Variants in AAMDC observed in about 807,000 individuals in gnomAD.
AAMDC encodes the protein adipogenesis associated Mth938 domain containing.
AAMDC carries 16 observed loss-of-function variants against 15.5 expected under a neutral mutation model. That is an observed-to-expected ratio of 1.03 (90% CI 0.70 to 1.57). AAMDC has a LOEUF of 1.57. Ranked by LOEUF, AAMDC falls within the 40% of genes most tolerant of loss-of-function variation. AAMDC has a pLI of 0.00. For synonymous variants in AAMDC, 51 were observed against 51.6 expected (o/e 0.99, Z 0.05); for missense variants, 141 against 144.9 (o/e 0.97, Z 0.14).
intron 1 of AAMDC, among the ~76,000 whole-genome samples, chr11:77,834,441 G>GTTTTTTTTTT (rs11438814): frequency 8.5e-5 from 9 of 105,520 alleles, no homozygotes; most frequent in African/African-American, 1.8e-4. Context: ...AGTTGATTTT[G>GTTTTTTTTTT]TTTTTTTTTT....
downstream of AAMDC, chr11:77,900,902 T>G: frequency 4.6e-6 from 2 of 436,790 alleles, no homozygotes; most frequent in African/African-American, 4.0e-5. Flanking sequence ...AGAAATGCCA[T>G]GAGGTAGATG....
rs575405187 is a variant in AAMDC at position 77,886,759 on chromosome 11, G to A, written c.328+9710G>A. Among the ~76,000 whole-genome samples, 8 of 143,854 alleles carry A rather than the reference G, an allele frequency of 5.6e-5. No individual in the cohort carries two copies. The South Asian group carries it at 1.8e-3, about 32-fold the overall frequency. The allele number at this position is 143,854 out of a possible 152,430, so 94.4% of individuals were successfully genotyped here. A position where few individuals can be genotyped will look rare whatever the true frequency, so the allele number is the denominator to read the frequency against. ...AATAGGTGGGAGGCGCCCGGCGAGG[G>A]GGCGGGGCAGGGTCCGCAGGCCTTG... On this transcript the variant is annotated intron_variant, in intron 5 of 5. Transcript: ENST00000304716.
chr11:77,896,807 G>C (rs866361432), intron 5 of AAMDC, among the ~76,000 whole-genome samples: 2 of 148,908 alleles, frequency 1.3e-5, no homozygotes, highest in African/African-American at 4.9e-5. Context: ...AAATAATGGA[G>C]GAAAAAAAAA....
chr11:77,904,207 T>C (rs1952870228), downstream of AAMDC, among the ~76,000 whole-genome samples: 1 of 152,204 alleles, frequency 6.6e-6, no homozygotes. Flanking sequence ...TTGCACAAAC[T>C]TCTGTGACAG....
chr11:77,847,876 A>T (rs957354781), intron 2 of AAMDC, among the ~76,000 whole-genome samples: 1 of 151,978 alleles, frequency 6.6e-6, no homozygotes, highest in Non-Finnish European at 1.5e-5. Context: ...AGTCCTAAAA[A>T]CCCCGGGAGC....
At chr11:77,856,303 T>C (rs2136222488) in intron 2 of AAMDC, among the ~76,000 whole-genome samples, 1 of 152,310 alleles carries the variant, frequency 6.6e-6, no homozygotes, top group Middle Eastern at 3.4e-3. Context: ...TGGACTTCAC[T>C]GTCCATTTCA....
intron 1 of AAMDC, among the ~76,000 whole-genome samples, chr11:77,822,414 C>CA (rs66463325): frequency 0.39 from 29,259 of 74,522 alleles, 5,335 homozygotes; most frequent in East Asian, 0.48. Context: ...GACTCCACCT[C>CA]AAAAAAAAAA....
At chr11:77,879,724 ATAAT>A (rs1195386178) in intron 5 of AAMDC, among the ~76,000 whole-genome samples, 16 of 152,194 alleles carry the variant, frequency 1.1e-4, no homozygotes, top group African/African-American at 3.4e-4. Flanking sequence ...CCTAGCAAGA[ATAAT>A]TAAGAACTCC....
intron 2 of AAMDC, among the ~76,000 whole-genome samples, chr11:77,845,412 C>T (rs968334956): frequency 6.6e-6 from 1 of 151,530 alleles, no homozygotes; most frequent in African/African-American, 2.4e-5. Flanking sequence ...CTTTCCAGCT[C>T]CAGAATTTCT....
intron 1 of AAMDC, among the ~76,000 whole-genome samples, chr11:77,834,986 A>G (rs1949619989): frequency 1.3e-5 from 2 of 152,224 alleles, no homozygotes; most frequent in Non-Finnish European, 2.9e-5. Flanking sequence ...ATTTTTATAA[A>G]AAAAGTAACA....
intron 2 of AAMDC, chr11:77,850,790 ACACAC>A (rs1204600152): frequency 1.7e-4 from 2 of 11,954 alleles, no homozygotes; most frequent in African/African-American, 2.0e-3. Context: ...ACACATACAC[ACACAC>A]ACACACACAC....
Position 77,878,506 on chromosome 11 carries a change from T to TA in AAMDC, c.328+1468dup, listed in dbSNP as rs566159329. ...AAGGTCCTTCAGCAACTGTCAATGG[T>TA]AAAAAAAAAAAGTACAGCTGTTAAA... On this transcript the variant is annotated intron_variant, in intron 5 of 5. Coordinates refer to the AAMDC transcript ENST00000304716. Among the ~76,000 whole-genome samples, 454 of 147,188 alleles carry TA rather than the reference T, an allele frequency of 3.1e-3. 3 individuals carry two copies. The highest frequency in any genetic ancestry group is 0.011 in the South Asian group (50 of 4,668).
At chr11:77,833,497 T>TA (rs1321658329) in intron 1 of AAMDC, among the ~76,000 whole-genome samples, 1 of 152,062 alleles carries the variant, frequency 6.6e-6, no homozygotes, top group African/African-American at 2.4e-5. Context: ...GCTCGGGCAG[T>TA]AATGTGAGCC....
intron 1 of AAMDC, among the ~76,000 whole-genome samples, chr11:77,831,480 C>T (rs1949421711): frequency 6.6e-6 from 1 of 152,102 alleles, no homozygotes; most frequent in Non-Finnish European, 1.5e-5. Context: ...TTTGGCTACT[C>T]CTTGAAATTC....
chr11:77,833,592 C>G (rs1418138696), intron 1 of AAMDC, among the ~76,000 whole-genome samples: 1 of 152,182 alleles, frequency 6.6e-6, no homozygotes, highest in Non-Finnish European at 1.5e-5. Flanking sequence ...CCTAACAGAT[C>G]ACGGACTGGT....
chr11:77,859,552 G>A (rs568790828), intron 2 of AAMDC, among the ~76,000 whole-genome samples: 3 of 152,272 alleles, frequency 2.0e-5, no homozygotes, highest in East Asian at 1.9e-4. Flanking sequence ...TCTAGTGCCC[G>A]AGTGAGGGCT....
chr11:77,872,749 C>T (rs1199036526), downstream of AAMDC, among the ~76,000 whole-genome samples: 1 of 152,074 alleles, frequency 6.6e-6, no homozygotes, highest in African/African-American at 2.4e-5. Context: ...GGAGTTCAAC[C>T]CCAGCCTAGC....
chr11:77,832,577 C>A (rs1476812689), intron 1 of AAMDC, among the ~76,000 whole-genome samples: 1 of 152,042 alleles, frequency 6.6e-6, no homozygotes, highest in Non-Finnish European at 1.5e-5. Context: ...CCACCCGCCT[C>A]AGCCTCCCAA....
At chr11:77,876,928 G>C (rs1423914883), downstream of AAMDC, 3 of 702,616 alleles carry the variant, frequency 4.3e-6, no homozygotes, top group East Asian at 2.7e-5. Flanking sequence ...CAGCAGCCAT[G>C]GTTCTTCATG....
Sources: allele counts gnomAD v4.1 joint callset (sites outside exome capture counted in the v4.1 genomes callset), GRCh38; gene constraint gnomAD v4.1.1; transcripts MANE v1.5; gene names NCBI Gene and HGNC (gene_info 2026-07-23, HGNC 2026-07-21).